The following PDCD1LG2 variants were observed in gnomAD, a reference collection of about 807,000 sequenced individuals.
PDCD1LG2 encodes B7 dendritic cell molecule.
PDCD1LG2 carries 32 observed loss-of-function variants against 28.2 expected under a neutral mutation model. The observed-to-expected ratio is 1.13, with a 90% CI of 0.86 to 1.52. The LOEUF is 1.52. Ranked by LOEUF, PDCD1LG2 falls within the 40% of genes most tolerant of loss-of-function variation. The pLI is 0.00. For missense variants in PDCD1LG2, 385 were observed against 323.8 expected, an observed-to-expected ratio of 1.19 and a Z score of -1.45; for synonymous variants, 116 against 120.2, an observed-to-expected ratio of 0.97 and a Z score of 0.23.
chr9:5,549,357 T>C lies in PDCD1LG2; in HGVS notation c.384T>C (p.Thr128=). ...KVKASYRKIN[T]HILKVPETDE... is the part of the protein sequence containing the mutation. ...CAGCTTCCTACAGGAAAATAAACAC[T>C]CACATCCTAAAGGTTCCAGAAACAG... The change falls in exon 4 of 7, where the codon ACT becomes ACC. Residue 128 remains threonine, a synonymous_variant. Coordinates refer to ENST00000397747, the MANE Select transcript of PDCD1LG2 (RefSeq NM_025239.4). The C allele has an allele frequency of 6.2e-7, 1 of 1,613,006 alleles. No individual in the cohort carries two copies. The highest frequency in any genetic ancestry group is 2.2e-5 in the East Asian group (1 of 44,866).
At chr9:5,535,701 C>A (rs1459295842) in intron 3 of PDCD1LG2, among the ~76,000 whole-genome samples, 1 of 151,804 alleles carries the variant, frequency 6.6e-6, no homozygotes, top group African/African-American at 2.4e-5. Flanking sequence ...AAATGCAAGC[C>A]CTATTTATTG....
chr9:5,522,923 A>C (rs1005517751), intron 2 of PDCD1LG2, among the ~76,000 whole-genome samples: 2 of 152,148 alleles, frequency 1.3e-5, no homozygotes, highest in Non-Finnish European at 2.9e-5. Flanking sequence ...GAGTTCCCTT[A>C]AAGGTGAGAT....
Position 5,570,313 on chromosome 9 carries a change from C to G in PDCD1LG2, c.*354C>G. The G allele has an allele frequency of 3.6e-6, 1 of 276,392 alleles. No homozygotes were observed. Among genetic ancestry groups the G allele is most frequent in the Non-Finnish European group, 6.9e-6 (1 of 145,014 alleles). The allele number at this position is 276,392 out of a possible 1,614,324, so 17.1% of individuals were successfully genotyped here. A position where few individuals can be genotyped will look rare whatever the true frequency, so the allele number is the denominator to read the frequency against. On this transcript the variant is annotated 3_prime_UTR_variant, in exon 7 of 7. Coordinates refer to ENST00000397747, the MANE Select transcript of PDCD1LG2 (RefSeq NM_025239.4). The stretch of plus-strand genomic sequence containing the variant: ...CCCCTCAAGTTTTCTAAGTGATTTC[C>G]AAAAGCAGAGGTGTGTGGAAATTTC...
chr9:5,512,337 C>G (rs958036217), intron 1 of PDCD1LG2, among the ~76,000 whole-genome samples: 1 of 152,226 alleles, frequency 6.6e-6, no homozygotes, highest in African/African-American at 2.4e-5. Flanking sequence ...GAAAGGTTAT[C>G]TAGCCCCAGT....
chr9:5,517,064 A>G (rs541183448), intron 1 of PDCD1LG2, among the ~76,000 whole-genome samples: 2 of 152,266 alleles, frequency 1.3e-5, no homozygotes, highest in African/African-American at 4.8e-5. Context: ...TGCTGCCATC[A>G]CTGTGAGCTA....
In PDCD1LG2 at chr9:5,565,982, T is replaced by C. The variant is rs1048349336; in HGVS notation, c.816+2771T>C. Among the ~76,000 whole-genome samples the C allele has an allele frequency of 2.6e-5, 4 of 152,052 alleles. No homozygotes were observed. In the East Asian group the frequency reaches 7.7e-4, roughly 29 times the overall value. ...AGAATCCATTGCCTAGAAATTGCCATGGTTAAGATTTTAATATTGCTCAGG... is the reference window on the plus strand; with the variant it reads ...AGAATCCATTGCCTAGAAATTGCCACGGTTAAGATTTTAATATTGCTCAGG... On this transcript the variant is annotated intron_variant, in intron 6 of 6. Coordinates refer to ENST00000397747, the MANE Select transcript of PDCD1LG2 (RefSeq NM_025239.4).
At chr9:5,522,802 G>A (rs1003247618) in intron 2 of PDCD1LG2, among the ~76,000 whole-genome samples, 6 of 151,848 alleles carry the variant, frequency 4.0e-5, no homozygotes, top group Admixed American at 6.6e-5. Flanking sequence ...TGACAGAAAC[G>A]GTGACTGAGA....
chr9:5,546,440 A>G (rs1816207157), intron 3 of PDCD1LG2, among the ~76,000 whole-genome samples: 1 of 152,176 alleles, frequency 6.6e-6, no homozygotes, highest in Admixed American at 6.5e-5. Context: ...ATAATACAAA[A>G]TGAGAGATAA....
At chr9:5,523,850 C>T (rs75522617) in intron 2 of PDCD1LG2, among the ~76,000 whole-genome samples, 3,184 of 152,234 alleles carry the variant, frequency 0.021, 74 homozygotes, top group East Asian at 0.094. Flanking sequence ...AGCTTAAAAA[C>T]ACTGAGATCC....
intron 2 of PDCD1LG2, among the ~76,000 whole-genome samples, chr9:5,525,451 T>C (rs1160079633): frequency 6.6e-6 from 1 of 151,776 alleles, no homozygotes; most frequent in South Asian, 2.1e-4. Context: ...GGAGTAGGTC[T>C]AGAAGAACTT....
intron 1 of PDCD1LG2, among the ~76,000 whole-genome samples, chr9:5,517,224 C>T (rs182453015): frequency 3.3e-4 from 50 of 152,284 alleles, no homozygotes; most frequent in Non-Finnish European, 8.8e-5. Context: ...TTACATAAGA[C>T]AGTCTCAGGA....
chr9:5,511,492 C>T (rs1006785708), intron 1 of PDCD1LG2, among the ~76,000 whole-genome samples: 1 of 152,298 alleles, frequency 6.6e-6, no homozygotes, highest in South Asian at 2.1e-4. Flanking sequence ...GGTGGAGAGG[C>T]TAAGCCTGAG....
Position 5,557,681 on chromosome 9 carries a change from T to A in PDCD1LG2, c.695T>A (p.Ile232Asn), listed in dbSNP as rs757000272. The A allele has an allele frequency of 1.2e-6, 2 of 1,613,668 alleles. No homozygotes were observed. Among genetic ancestry groups the A allele is most frequent in the Non-Finnish European group, 1.7e-6 (2 of 1,179,594 alleles). ...LLHIFIPFCIIAFIFIATVIA... is the reference protein window; with the variant it reads ...LLHIFIPFCINAFIFIATVIA... ...CACATTTTCATCCCCTTCTGCATCATTGCTTTCATTTTCATAGCCACAGTG... is the reference window on the plus strand; with the variant it reads ...CACATTTTCATCCCCTTCTGCATCAATGCTTTCATTTTCATAGCCACAGTG... The change falls in exon 5 of 7, where the codon ATT becomes AAT. Residue 232 changes from isoleucine to asparagine, a missense_variant. Ile to Asn is a moderately radical substitution (Grantham distance 149). Coordinates refer to ENST00000397747, the MANE Select transcript of PDCD1LG2 (RefSeq NM_025239.4).
chr9:5,512,160 C>T (rs1205657127), intron 1 of PDCD1LG2, among the ~76,000 whole-genome samples: 1 of 152,182 alleles, frequency 6.6e-6, no homozygotes, highest in East Asian at 1.9e-4. Flanking sequence ...TTTAATTCCA[C>T]ATGCTAATGT....
At chr9:5,557,302 G>C (rs181886982) in intron 4 of PDCD1LG2, among the ~76,000 whole-genome samples, 1 of 151,776 alleles carries the variant, frequency 6.6e-6, no homozygotes, top group Non-Finnish European at 1.5e-5. Context: ...ATGAGAGAGT[G>C]GTAAAAAGCA....
intron 6 of PDCD1LG2, among the ~76,000 whole-genome samples, chr9:5,568,663 C>T (rs1816713274): frequency 6.6e-6 from 1 of 152,210 alleles, no homozygotes; most frequent in Non-Finnish European, 1.5e-5. Flanking sequence ...ACCTTACCAT[C>T]AATCCTCAGA....
At chr9:5,530,600 C>T (rs1386609517) in intron 2 of PDCD1LG2, among the ~76,000 whole-genome samples, 9 of 152,256 alleles carry the variant, frequency 5.9e-5, no homozygotes, top group East Asian at 1.9e-4. Flanking sequence ...ATTTGAATTC[C>T]GGTTCCATGA....
At chr9:5,561,127 C>T (rs1816554004) in intron 5 of PDCD1LG2, among the ~76,000 whole-genome samples, 1 of 152,118 alleles carries the variant, frequency 6.6e-6, no homozygotes, top group African/African-American at 2.4e-5. Flanking sequence ...GGTGAGTATG[C>T]TAGATCTGCT....
intron 2 of PDCD1LG2, among the ~76,000 whole-genome samples, chr9:5,526,648 G>C (rs945289120): frequency 9.9e-5 from 15 of 152,092 alleles, no homozygotes; most frequent in East Asian, 9.6e-4. Context: ...ATGTTACACA[G>C]GCTGGCCTCA....
Sources: allele counts gnomAD v4.1 joint callset (sites outside exome capture counted in the v4.1 genomes callset), GRCh38; gene constraint gnomAD v4.1.1; transcripts MANE v1.5; gene names NCBI Gene and HGNC (gene_info 2026-07-23, HGNC 2026-07-21).